The following PUM2 variants were observed in gnomAD, a reference collection of about 807,000 sequenced individuals.
The protein encoded by PUM2 is pumilio homolog 2.
A neutral mutation model predicts 124.5 loss-of-function variants in PUM2; 57 were observed. That is an observed-to-expected ratio of 0.46 (90% CI 0.37 to 0.57). PUM2 has a LOEUF of 0.57. PUM2 is among the 20% of genes least tolerant of loss of function. The pLI is 0.00. For synonymous variants in PUM2, 460 were observed against 446.1 expected (o/e 1.03, Z -0.39); for missense variants, 1,065 against 1,290.6 (o/e 0.83, Z 2.68).
At chr2:20,255,997 CCTG>C (rs1664677821) in intron 17 of PUM2, 33 bp downstream of exon 17, 7 of 1,494,102 alleles carry the variant, frequency 4.7e-6, no homozygotes, top group Middle Eastern at 1.7e-4. Context: ...AAAATAATGC[CCTG>C]CTAACAAATT....
At chr2:20,315,060 CTTTTT>C (rs11327686) in intron 3 of PUM2, among the ~76,000 whole-genome samples, 6 of 124,870 alleles carry the variant, frequency 4.8e-5, no homozygotes, top group Admixed American at 8.1e-5. Flanking sequence ...AAGTGTGCTT[CTTTTT>C]TTTTTTTTTT....
intron 2 of PUM2, among the ~76,000 whole-genome samples, chr2:20,320,695 G>T (rs756235775): frequency 6.6e-6 from 1 of 151,872 alleles, no homozygotes; most frequent in Non-Finnish European, 1.5e-5. Flanking sequence ...CTCTAACAAA[G>T]ATCCCAGTAA....
intron 7 of PUM2, among the ~76,000 whole-genome samples, chr2:20,299,362 T>G (rs377427283): frequency 9.2e-5 from 14 of 151,640 alleles, no homozygotes; most frequent in Middle Eastern, 3.4e-3. Flanking sequence ...GGCATGAGAG[T>G]AGAGGAAAAA....
intron 13 of PUM2, among the ~76,000 whole-genome samples, chr2:20,274,910 G>A (rs931579769): frequency 4.6e-5 from 5 of 107,638 alleles, no homozygotes; most frequent in Admixed American, 1.3e-4. Context: ...GAAAAATAAG[G>A]CAATACTAGA....
chr2:20,340,553 G>A (rs1191752378), intron 1 of PUM2, among the ~76,000 whole-genome samples: 1 of 152,204 alleles, frequency 6.6e-6, no homozygotes, highest in Non-Finnish European at 1.5e-5. Context: ...TCAGAGTCCA[G>A]GTAGGAGGAT....
intron 2 of PUM2, among the ~76,000 whole-genome samples, chr2:20,326,621 T>C (rs1182495706): frequency 6.6e-6 from 1 of 152,202 alleles, no homozygotes; most frequent in Non-Finnish European, 1.5e-5. Flanking sequence ...ATGAAGTATT[T>C]GATGCCTTAA....
chr2:20,251,812 C>G, intron 20 of PUM2, 96 bp from the exon 21 acceptor site: 1 of 1,414,658 alleles, frequency 7.1e-7, no homozygotes, highest in East Asian at 2.3e-5. Context: ...AGAGGAATAA[C>G]TGCAATTAAA....
upstream of PUM2, among the ~76,000 whole-genome samples, chr2:20,351,132 T>A (rs1248119390): frequency 6.6e-5 from 10 of 152,178 alleles, no homozygotes; most frequent in African/African-American, 2.4e-4. Flanking sequence ...TGTGTTCGAC[T>A]GTCTTCCCGC....
chr2:20,313,935 G>T (rs1216378139), intron 3 of PUM2, among the ~76,000 whole-genome samples: 1 of 151,292 alleles, frequency 6.6e-6, no homozygotes, highest in Non-Finnish European at 1.5e-5. Flanking sequence ...TTGACCTCAG[G>T]AGTTCAAGAC....
chr2:20,291,111 TCAA>T (rs1370022132), intron 9 of PUM2, among the ~76,000 whole-genome samples: 1 of 152,180 alleles, frequency 6.6e-6, no homozygotes, highest in Admixed American at 6.5e-5. Flanking sequence ...TTTATTATTC[TCAA>T]CAACAGAGAA....
intron 1 of PUM2, among the ~76,000 whole-genome samples, chr2:20,346,028 C>T (rs1258579143): frequency 6.6e-6 from 1 of 152,184 alleles, no homozygotes; most frequent in African/African-American, 2.4e-5. Flanking sequence ...GCGTAGAGCA[C>T]TCCTATTCTT....
intron 2 of PUM2, among the ~76,000 whole-genome samples, chr2:20,322,957 C>T (rs551742043): frequency 6.6e-6 from 1 of 152,318 alleles, no homozygotes; most frequent in African/African-American, 2.4e-5. Context: ...CTTTCATTTT[C>T]TCAAATCCTT....
chr2:20,275,739 A>T (rs1670087032), intron 13 of PUM2, among the ~76,000 whole-genome samples: 1 of 152,114 alleles, frequency 6.6e-6, no homozygotes, highest in Non-Finnish European at 1.5e-5. Flanking sequence ...AGACATAGGA[A>T]CATCTTAAAT....
intron 3 of PUM2, among the ~76,000 whole-genome samples, chr2:20,314,801 A>T (rs1680477271): frequency 6.6e-6 from 1 of 152,136 alleles, no homozygotes; most frequent in Admixed American, 6.5e-5. Flanking sequence ...CTAAGCAATG[A>T]GCTATACATG....
At position 20,263,606 on chromosome 2, in the gene PUM2, G is replaced by A; in HGVS notation, c.1958-146C>T. ...TATGACAGAAAATTAAAATTGGGAG[G>A]GGAAAATCTCACCCATATACCTCAT... On this transcript the variant is annotated intron_variant, in intron 13 of 20. Transcript: ENST00000361078. The A allele has an allele frequency of 4.2e-6, 4 of 961,928 alleles. No individual in the cohort carries two copies. In the East Asian group the frequency reaches 1.0e-4, roughly 25 times the overall value. 59.6% of individuals were successfully genotyped at this position (961,928 alleles called of 1,614,324 possible). A position where few individuals can be genotyped will look rare whatever the true frequency, so the allele number is the denominator to read the frequency against.
Position 20,297,693 on chromosome 2 carries a change from G to A in PUM2, c.884-15C>T, listed in dbSNP as rs1055065523. On this transcript the variant is annotated splice_polypyrimidine_tract_variant and intron_variant, in intron 7 of 20. Coordinates refer to ENST00000361078, the MANE Select transcript of PUM2 (RefSeq NM_015317.5). ...GAATACACCAGCTATATTTTAAAAGGGGAGAAATAATAAACAACAATGTAA... is the reference window on the plus strand; with the variant it reads ...GAATACACCAGCTATATTTTAAAAGAGGAGAAATAATAAACAACAATGTAA... 5 of 1,603,126 alleles carry A rather than the reference G, an allele frequency of 3.1e-6. No individual in the cohort carries two copies. Among genetic ancestry groups the A allele is most frequent in the South Asian group, 1.1e-5 (1 of 89,096 alleles).
At chr2:20,257,820 G>C (rs1320799049) in intron 16 of PUM2, among the ~76,000 whole-genome samples, 2 of 151,936 alleles carry the variant, frequency 1.3e-5, no homozygotes, top group African/African-American at 4.8e-5. Context: ...TTACTTTTCT[G>C]CTGGGCTATA....
intron 3 of PUM2, among the ~76,000 whole-genome samples, chr2:20,315,056 GCTT>G (rs1231245748): frequency 9.0e-6 from 1 of 111,712 alleles, no homozygotes. Context: ...AAGGAAGTGT[GCTT>G]CTTTTTTTTT....
In PUM2 at chr2:20,294,537, C is replaced by A. The variant is rs202062335; in HGVS notation, c.1010-19G>T. 3.4e-5 allele frequency: 54 copies of A among 1,572,670 alleles called. No homozygotes were observed. The African/African-American group carries it at 6.5e-4, about 19-fold the overall frequency. ...GCTGGACCTAAACCCCACACCCGAC[C>A]CCCGAATAAAAAGTTACTAGATTTT... On this transcript the variant is annotated intron_variant, in intron 8 of 20. Transcript: ENST00000361078.
Sources: allele counts gnomAD v4.1 joint callset (sites outside exome capture counted in the v4.1 genomes callset), GRCh38; gene constraint gnomAD v4.1.1; transcripts MANE v1.5; gene names NCBI Gene and HGNC (gene_info 2026-07-23, HGNC 2026-07-21).